Variants in SLC2A13 observed in about 807,000 individuals in gnomAD.
The protein encoded by SLC2A13 is proton myo-inositol cotransporter.
SLC2A13 carries 32 observed loss-of-function variants against 64.4 expected under a neutral mutation model. The ratio of observed to expected loss-of-function variants is 0.50; its 90% CI spans 0.37 to 0.67. The LOEUF (loss-of-function observed/expected upper bound fraction) is 0.67, where lower values mean the gene tolerates loss of function less well. Ranked by LOEUF, SLC2A13 falls within the 30% of genes least tolerant of loss-of-function variation. SLC2A13 has a pLI of 0.00. For synonymous variants in SLC2A13, 338 were observed against 327.1 expected (o/e 1.03, Z -0.36); for missense variants, 743 against 829.2 (o/e 0.90, Z 1.28).
At chr12:40,081,998 G>A (rs1938420426) in intron 1 of SLC2A13, among the ~76,000 whole-genome samples, 1 of 152,172 alleles carries the variant, frequency 6.6e-6, no homozygotes, top group South Asian at 2.1e-4. Flanking sequence ...CTGGGGACCT[G>A]GGACCAGGCC....
intron 6 of SLC2A13, among the ~76,000 whole-genome samples, chr12:39,850,693 AATAAGGATG>A (rs1308084538): frequency 6.6e-6 from 1 of 152,204 alleles, no homozygotes; most frequent in Non-Finnish European, 1.5e-5. Context: ...AACATATATG[AATAAGGATG>A]ATAATATATT....
At position 39,793,649 on chromosome 12, in the gene SLC2A13, T is replaced by G. The variant is rs539540785; in HGVS notation, c.1446-28791A>C. ...ACCTGGCCCTTACTAGGATATATATTGCGTTAGGTAGATGGAGCTGGGACC... is the reference window on the plus strand; with the variant it reads ...ACCTGGCCCTTACTAGGATATATATGGCGTTAGGTAGATGGAGCTGGGACC... On this transcript the variant is annotated intron_variant, in intron 7 of 9. Transcript: ENST00000280871. Among the ~76,000 whole-genome samples the G allele has an allele frequency of 4.6e-5, 7 of 152,216 alleles. No homozygotes were observed. The South Asian group carries it at 1.4e-3, about 32-fold the overall frequency.
At chr12:39,901,396 G>T (rs1945102126) in intron 4 of SLC2A13, among the ~76,000 whole-genome samples, 1 of 149,566 alleles carries the variant, frequency 6.7e-6, no homozygotes, top group Admixed American at 6.7e-5. Context: ...CCATCAGAGT[G>T]AACAGACAAC....
chr12:39,952,669 C>T (rs1036807961), intron 3 of SLC2A13, among the ~76,000 whole-genome samples: 12 of 152,058 alleles, frequency 7.9e-5, no homozygotes, highest in Admixed American at 3.3e-4. Flanking sequence ...TTTAGAGAAG[C>T]GTTGATGGTC....
chr12:39,908,795 G>C (rs1230223157), intron 4 of SLC2A13, among the ~76,000 whole-genome samples: 11 of 151,930 alleles, frequency 7.2e-5, no homozygotes, highest in Non-Finnish European at 1.6e-4. Flanking sequence ...GTAAAAAGCA[G>C]GGTTTGGTAT....
Position 39,755,100 on chromosome 12 carries a change from AGAT to A in SLC2A13, c.*4923_*4925del, listed in dbSNP as rs1289018768. The stretch of plus-strand genomic sequence containing the variant: ...TGGCACTGACACTTTTTTTAAAAAA[AGAT>A]TTTAATTTTATGTAAAGATTGAACT... On this transcript the variant is annotated 3_prime_UTR_variant, in exon 10 of 10. Coordinates refer to ENST00000280871, the MANE Select transcript of SLC2A13 (RefSeq NM_052885.4). 3.9e-5 allele frequency: 6 copies of A among 152,042 alleles called. No individual in the cohort carries two copies. Among genetic ancestry groups the A allele is most frequent in the Non-Finnish European group, 7.4e-5 (5 of 67,934 alleles). The allele number at this position is 152,042 out of a possible 1,614,324, so 9.4% of individuals were successfully genotyped here.
chr12:39,965,631 T>C (rs1946496832), intron 3 of SLC2A13, among the ~76,000 whole-genome samples: 1 of 152,142 alleles, frequency 6.6e-6, no homozygotes, highest in South Asian at 2.1e-4. Context: ...CCTTGCTTTG[T>C]AAAAAACAAT....
intron 4 of SLC2A13, among the ~76,000 whole-genome samples, chr12:39,925,276 T>TC (rs1945706021): frequency 6.6e-6 from 1 of 152,056 alleles, no homozygotes; most frequent in African/African-American, 2.4e-5. Flanking sequence ...TCAGGGATCC[T>TC]CCTGCCTCTA....
At chr12:39,841,527 T>C (rs1178145337) in intron 6 of SLC2A13, among the ~76,000 whole-genome samples, 4 of 152,084 alleles carry the variant, frequency 2.6e-5, no homozygotes, top group Admixed American at 6.6e-5. Flanking sequence ...ATTTTGCATG[T>C]GTAAGATAAC....
At chr12:39,769,992 G>A (rs771393126) in intron 7 of SLC2A13, among the ~76,000 whole-genome samples, 3 of 151,984 alleles carry the variant, frequency 2.0e-5, no homozygotes, top group Non-Finnish European at 4.4e-5. Flanking sequence ...ATTACTCTGT[G>A]GTGCTTGACA....
chr12:39,972,584 T>C (rs1378230042), intron 3 of SLC2A13, among the ~76,000 whole-genome samples: 1 of 152,212 alleles, frequency 6.6e-6, no homozygotes, highest in Non-Finnish European at 1.5e-5. Context: ...ACATTGCTCC[T>C]ATAATTATCT....
chr12:40,014,711 C>A (rs1320286720), intron 3 of SLC2A13, among the ~76,000 whole-genome samples: 1 of 152,144 alleles, frequency 6.6e-6, no homozygotes, highest in Non-Finnish European at 1.5e-5. Context: ...TCAGGCTGGT[C>A]TTAAACTCCC....
intron 4 of SLC2A13, among the ~76,000 whole-genome samples, chr12:39,946,072 C>T (rs1321435986): frequency 6.6e-6 from 1 of 152,202 alleles, no homozygotes; most frequent in African/African-American, 2.4e-5. Context: ...TACTCTCCCC[C>T]TTTTCCTATG....
At chr12:39,960,536 T>C (rs1946390259) in intron 3 of SLC2A13, among the ~76,000 whole-genome samples, 1 of 151,984 alleles carries the variant, frequency 6.6e-6, no homozygotes, top group Non-Finnish European at 1.5e-5. Context: ...CGCATGACCA[T>C]GCCTGGCTAA....
intron 1 of SLC2A13, among the ~76,000 whole-genome samples, chr12:40,102,237 A>G (rs1939175364): frequency 6.6e-6 from 1 of 152,236 alleles, no homozygotes; most frequent in Non-Finnish European, 1.5e-5. Context: ...TTATCTAATT[A>G]CTGCCTGCCC....
intron 7 of SLC2A13, among the ~76,000 whole-genome samples, chr12:39,790,707 T>C (rs1339670341): frequency 1.0e-5 from 1 of 95,254 alleles, no homozygotes; most frequent in Non-Finnish European, 2.1e-5. Flanking sequence ...TATAGCAGCA[T>C]GATTTATAGT....
At chr12:40,055,470 C>T (rs1948320165) in intron 1 of SLC2A13, among the ~76,000 whole-genome samples, 1 of 152,268 alleles carries the variant, frequency 6.6e-6, no homozygotes, top group South Asian at 2.1e-4. Flanking sequence ...TCACGTTTGT[C>T]TCTCCAAGCA....
chr12:40,053,215 G>A (rs1948286993), intron 1 of SLC2A13, among the ~76,000 whole-genome samples: 1 of 149,718 alleles, frequency 6.7e-6, no homozygotes, highest in Non-Finnish European at 1.5e-5. Flanking sequence ...CCGGGAGGCG[G>A]AGGTTGCAGT....
chr12:39,834,143 C>T (rs939144835), intron 6 of SLC2A13, among the ~76,000 whole-genome samples: 22 of 152,036 alleles, frequency 1.4e-4, no homozygotes, highest in Non-Finnish European at 1.2e-4. Context: ...GGCTGTGTCA[C>T]ATAAAACTTT....
Sources: gnomAD v4.1 joint callset for allele counts (sites outside exome capture counted in the v4.1 genomes callset) on GRCh38, gnomAD v4.1.1 for gene constraint, MANE v1.5 for transcripts, NCBI Gene and HGNC (gene_info 2026-07-23, HGNC 2026-07-21) for gene names.